The following USP1 variants were observed in gnomAD, a reference collection of about 807,000 sequenced individuals.
The protein encoded by USP1 is ubiquitin specific peptidase 1.
A neutral mutation model predicts 72.2 loss-of-function variants in USP1; 18 were observed. The ratio of observed to expected loss-of-function variants is 0.25; its 90% confidence interval spans 0.17 to 0.37. The LOEUF (loss-of-function observed/expected upper bound fraction) is 0.37, where lower values mean the gene tolerates loss of function less well. Ranked by LOEUF, USP1 falls within the 10% of genes least tolerant of loss-of-function variation. USP1 has a pLI of 1.00. For missense variants in USP1, 759 were observed against 884.9 expected (o/e 0.86, Z 1.81); for synonymous variants, 354 against 303.7 (o/e 1.17, Z -1.72).
intron 8 of USP1, 61 bp from the exon 9 acceptor site, chr1:62,450,185 G>T (rs1324617903): frequency 2.6e-6 from 4 of 1,541,592 alleles, no homozygotes; most frequent in African/African-American, 1.4e-5. Context: ...TCAGATTGGG[G>T]TATAACATTT....
rs376243755 is a variant in USP1, at chr1:62,443,139, G to T, written c.397-20G>T. The T allele has an allele frequency of 2.5e-6, 4 of 1,604,394 alleles. No homozygotes were observed. The African/African-American group carries it at 5.4e-5, about 22-fold the overall frequency. On this transcript the variant is annotated intron_variant, in intron 4 of 8. Transcript: ENST00000339950. ...AATTTGTTCATAAAATTATTGGTTT[G>T]TGTGTTTCTTTCTTGACAGGGAAAT...
Position 62,443,232 on chromosome 1 carries a change from A to G in USP1, c.470A>G (p.Glu157Gly). Reference protein sequence around the residue: ...CSLQSLIISVEQLQASFLLNP... With the variant: ...CSLQSLIISVGQLQASFLLNP... ...TTACAGTCCTTAATCATTTCGGTTG[A>G]ACAGCTCCAGGCTAGTTTTCTCTTA... Residue 157 changes from glutamate to glycine, a missense_variant, in exon 5 of 9, where the codon GAA (glutamate) becomes GGA (glycine). By Grantham distance (98) the Glu-to-Gly change is moderately conservative. This residue lies in a region of USP1 where 71 missense variants were observed against 71.0 expected (regional missense o/e 1.00). Coordinates refer to ENST00000339950, the MANE Select transcript of USP1 (RefSeq NM_003368.5). 4 of 1,614,074 alleles carry G rather than the reference A, an allele frequency of 2.5e-6. No individual in the cohort carries two copies. The highest frequency in any genetic ancestry group is 3.4e-6 in the Non-Finnish European group (4 of 1,180,000).
At chr1:62,438,461 G>T (rs375753890) in intron 1 of USP1, among the ~76,000 whole-genome samples, 2 of 152,298 alleles carry the variant, frequency 1.3e-5, no homozygotes, top group African/African-American at 4.8e-5. Context: ...AATGGTTTCA[G>T]TGTGCTGAGT....
chr1:62,449,426 G>T (rs1645198476), intron 8 of USP1, among the ~76,000 whole-genome samples: 1 of 152,032 alleles, frequency 6.6e-6, no homozygotes, highest in Non-Finnish European at 1.5e-5. Flanking sequence ...TAATGTCATT[G>T]TATGTGTGAC....
intron 5 of USP1, among the ~76,000 whole-genome samples, chr1:62,444,432 T>A (rs527361737): frequency 6.6e-6 from 1 of 152,250 alleles, no homozygotes; most frequent in South Asian, 2.1e-4. Flanking sequence ...AGGGTTATTG[T>A]GAAGATAATG....
At position 62,451,804 on chromosome 1, in the gene USP1, A is replaced by C. The variant is rs759626207; in HGVS notation, c.*823A>C. The C allele has an allele frequency of 6.6e-6, 1 of 152,594 alleles. No homozygotes were observed. Among genetic ancestry groups the C allele is most frequent in the Non-Finnish European group, 1.5e-5 (1 of 68,034 alleles). The allele number at this position is 152,594 out of a possible 1,614,324, so 9.5% of individuals were successfully genotyped here. ...ATACAGCTGAGTTTTCTTAAAGCGA[A>C]TAAGTGTGTGTATATATATATGTAT... On this transcript the variant is annotated 3_prime_UTR_variant, in exon 9 of 9. Transcript: ENST00000339950.
chr1:62,440,146 G>A (rs1318927805), intron 2 of USP1, 109 bp downstream of exon 2: 2 of 972,114 alleles, frequency 2.1e-6, no homozygotes, highest in East Asian at 2.9e-5. Context: ...AAAAAAGTAC[G>A]CTTCAGTGTA....
Position 62,445,001 on chromosome 1 carries a change from A to C in USP1, c.821A>C (p.Asp274Ala), listed in dbSNP as rs1645160389. ...LPKGNGKRKS[D>A]TEFGNMKKKV... is the part of the protein sequence containing the mutation. ...AAAGGAAATGGGAAAAGAAAAAGTG[A>C]CACTGAATTTGGTAACATGAAGAAA... is the stretch of plus-strand genomic sequence containing the variant. Residue 274 changes from aspartate (D) to alanine (A), a missense_variant, in exon 6 of 9, where the codon GAC becomes GCC. Transcript: ENST00000339950. 1 of 1,613,574 alleles carries C rather than the reference A, an allele frequency of 6.2e-7. No individual in the cohort carries two copies. Among genetic ancestry groups the C allele is most frequent in the Non-Finnish European group, 8.5e-7 (1 of 1,179,894 alleles).
intron 1 of USP1, among the ~76,000 whole-genome samples, chr1:62,438,928 T>A (rs1645112650): frequency 1.3e-5 from 2 of 152,256 alleles, no homozygotes; most frequent in Admixed American, 6.5e-5. Flanking sequence ...ACTTTGCTTG[T>A]GTTTTATCTT....
At chr1:62,436,806 C>T, upstream of USP1, 1 of 265,108 alleles carries the variant, frequency 3.8e-6, no homozygotes, top group Non-Finnish European at 7.1e-6. Context: ...AGGACCCGCA[C>T]GAGCTGCCCG....
rs1321273801 is a variant in USP1, at chr1:62,450,791, G to T, written c.2168G>T (p.Gly723Val). 3.1e-6 allele frequency: 5 copies of T among 1,613,790 alleles called. No individual in the cohort carries two copies. Among genetic ancestry groups the T allele is most frequent in the African/African-American group, 1.3e-5 (1 of 74,886 alleles). Residue 723 changes from glycine (G) to valine (V), a missense_variant, in exon 9 of 9, where the codon GGC becomes GTC. Coordinates refer to ENST00000339950, the MANE Select transcript of USP1 (RefSeq NM_003368.5). ...DRNKESSDQT[G>V]INISGFENKI... ...AACAAGGAATCCAGTGACCAAACAG[G>T]CATTAATATTAGTGGATTTGAGAAC...
At position 62,449,351 on chromosome 1, in the gene USP1, A is replaced by G. The variant is rs530901180; in HGVS notation, c.1622+685A>G. 3.3e-5 allele frequency among the ~76,000 whole-genome samples: 5 copies of G among 152,266 alleles called. No individual in the cohort carries two copies. In the South Asian group the frequency reaches 1.0e-3, roughly 32 times the overall value. Reference sequence around the variant, plus strand: ...TTAAGGTAAGCCAGGAAATCAAACTAGTCTTTCAACAGTTTGAAAAAAAAT... The same window carrying G: ...TTAAGGTAAGCCAGGAAATCAAACTGGTCTTTCAACAGTTTGAAAAAAAAT... On this transcript the variant is annotated intron_variant, in intron 8 of 8. Coordinates refer to ENST00000339950, the MANE Select transcript of USP1 (RefSeq NM_003368.5).
chr1:62,438,140 G>C (rs1355815141), intron 1 of USP1, among the ~76,000 whole-genome samples: 2 of 152,124 alleles, frequency 1.3e-5, no homozygotes, highest in East Asian at 3.8e-4. Context: ...TGAGGGGCTA[G>C]GAGGTTTGGT....
intron 5 of USP1, 95 bp from the exon 6 acceptor site, chr1:62,444,643 T>C (rs1287187844): frequency 2.0e-6 from 2 of 1,013,614 alleles, no homozygotes; most frequent in Non-Finnish European, 2.7e-6. Context: ...AATGAAATAA[T>C]TTATGATTTT....
rs541053857 is a variant in USP1, at chr1:62,445,808, GTC to G, written c.1249+383_1249+384del. ...AGCCTGGTCAACATGGTGAAACCCC[GTC>G]TCTACTAAAAATGCAAAAATTAGCC... On this transcript the variant is annotated intron_variant, in intron 6 of 8. Coordinates refer to ENST00000339950, the MANE Select transcript of USP1 (RefSeq NM_003368.5). Among the ~76,000 whole-genome samples the G allele has an allele frequency of 3.3e-3, 496 of 152,162 alleles. 1 individual carries two copies. The highest frequency in any genetic ancestry group is 0.012 in the African/African-American group (480 of 41,508).
chr1:62,440,585 G>A lies in USP1; in HGVS notation c.170+548G>A, dbSNP rs1039707013. Among the ~76,000 whole-genome samples, 4 of 152,250 alleles carry A rather than the reference G, an allele frequency of 2.6e-5. No individual in the cohort carries two copies. In the South Asian group the frequency reaches 6.2e-4, roughly 24 times the overall value. On this transcript the variant is annotated intron_variant, in intron 2 of 8. Coordinates refer to ENST00000339950, the MANE Select transcript of USP1 (RefSeq NM_003368.5). The stretch of plus-strand genomic sequence containing the variant: ...TATTCCACCACCAGCAGCTCTAGCT[G>A]GAGTCTGTACTACTCCCTGTTTAAC...
chr1:62,440,360 G>A (rs1645123859), intron 2 of USP1, among the ~76,000 whole-genome samples: 1 of 141,202 alleles, frequency 7.1e-6, no homozygotes, highest in Non-Finnish European at 1.5e-5. Context: ...GGGGTAAAAG[G>A]TTTTATATAT....
intron 2 of USP1, 76 bp downstream of exon 2, chr1:62,440,113 G>C (rs1398668170): frequency 7.8e-7 from 1 of 1,288,244 alleles, no homozygotes; most frequent in East Asian, 2.7e-5. Context: ...ACTCCAGTCT[G>C]ACTTGATAGT....
chr1:62,441,458 A>G, intron 2 of USP1, 30 bp from the exon 3 acceptor site: 2 of 1,563,906 alleles, frequency 1.3e-6, no homozygotes, highest in Non-Finnish European at 1.7e-6. Flanking sequence ...TAAGATAACT[A>G]CTTATCGTTC....
Sources: allele counts gnomAD v4.1 joint callset (sites outside exome capture counted in the v4.1 genomes callset), GRCh38; gene constraint gnomAD v4.1.1; regional missense constraint gnomAD v4.1.1; transcripts MANE v1.5; gene names NCBI Gene and HGNC (gene_info 2026-07-23, HGNC 2026-07-21).